The following POMK variants were observed in gnomAD, a reference collection of about 807,000 sequenced individuals.
POMK encodes protein O-mannose kinase.
POMK carries 19 observed loss-of-function variants against 23.0 expected under a neutral mutation model. That is an observed-to-expected ratio of 0.83 (90% confidence interval 0.58 to 1.21). The LOEUF (loss-of-function observed/expected upper bound fraction) is 1.21, where lower values mean the gene tolerates loss of function less well. Among genes scored for constraint, POMK ranks in the 50% most tolerant of loss-of-function variants. POMK has a pLI of 0.00. For synonymous variants in POMK, 173 were observed against 171.6 expected (o/e 1.01, Z -0.06); for missense variants, 410 against 431.3 (o/e 0.95, Z 0.44).
chr8:43,101,320 G>A (rs1811435935), intron 2 of POMK, among the ~76,000 whole-genome samples: 1 of 151,500 alleles, frequency 6.6e-6, no homozygotes, highest in Non-Finnish European at 1.5e-5. Context: ...CAGCTACTAA[G>A]GAGGCAGAGG....
chr8:43,112,746 T>A (rs2130613625), intron 4 of POMK, among the ~76,000 whole-genome samples: 1 of 152,062 alleles, frequency 6.6e-6, no homozygotes. Context: ...CAGAAGAGAG[T>A]GGGGGCCAAT....
intron 2 of POMK, among the ~76,000 whole-genome samples, chr8:43,098,399 C>G (rs1026524322): frequency 6.6e-6 from 1 of 152,188 alleles, no homozygotes; most frequent in Non-Finnish European, 1.5e-5. Flanking sequence ...AGGCTTATTT[C>G]ACTGAGCATG....
chr8:43,122,738 A>G lies in POMK; in HGVS notation c.914A>G (p.His305Arg), dbSNP rs765678572. 3.6e-5 allele frequency: 58 copies of G among 1,614,066 alleles called. No homozygotes were observed. The highest frequency in any genetic ancestry group is 4.6e-5 in the Non-Finnish European group (54 of 1,180,042). Reference sequence around the variant, plus strand: ...GAAGGGAGTGATATGGTCCGATTCCATTTGTTTGATATTCACAAAGCATGC... The same window carrying G: ...GAAGGGAGTGATATGGTCCGATTCCGTTTGTTTGATATTCACAAAGCATGC... The part of the protein sequence containing the change: ...HIEGSDMVRF[H>R]LFDIHKACKS... Residue 305 changes from histidine to arginine, a missense_variant, in exon 5 of 5, where the codon CAT becomes CGT. Coordinates refer to ENST00000331373, the MANE Select transcript of POMK (RefSeq NM_032237.5).
At chr8:43,117,214 T>C (rs1475798746) in intron 4 of POMK, among the ~76,000 whole-genome samples, 2 of 152,226 alleles carry the variant, frequency 1.3e-5, no homozygotes, top group Non-Finnish European at 2.9e-5. Flanking sequence ...TCACTTCTTT[T>C]GTGATTCTTC....
intron 4 of POMK, among the ~76,000 whole-genome samples, chr8:43,117,725 G>C (rs1426419863): frequency 2.0e-5 from 3 of 152,188 alleles, no homozygotes. Context: ...AATTAGAAGA[G>C]TAAGGTATTT....
At chr8:43,110,055 A>G (rs752851538) in intron 4 of POMK, among the ~76,000 whole-genome samples, 4 of 152,210 alleles carry the variant, frequency 2.6e-5, no homozygotes, top group Admixed American at 2.0e-4. Flanking sequence ...ACTTGTTCAA[A>G]CCTTTAGACT....
At chr8:43,108,568 T>A (rs1811589691) in intron 4 of POMK, among the ~76,000 whole-genome samples, 1 of 152,168 alleles carries the variant, frequency 6.6e-6, no homozygotes, top group Non-Finnish European at 1.5e-5. Context: ...AAGCAAAGAA[T>A]CAGCAGCATT....
rs1811643433 is a variant in POMK at position 43,110,940 on chromosome 8, G to T, written c.282+7110G>T. Among the ~76,000 whole-genome samples, 3 of 151,698 alleles carry T rather than the reference G, an allele frequency of 2.0e-5. No individual in the cohort carries two copies. The South Asian group carries it at 6.2e-4, about 32-fold the overall frequency. On this transcript the variant is annotated intron_variant, in intron 4 of 4. Transcript: ENST00000331373. ...CGTCTTAAAAAAAAAAAGTCTTGGG[G>T]GTGAAGCCAAGATGGCCGAATAGGA...
chr8:43,098,876 A>T (rs936723345), intron 2 of POMK, among the ~76,000 whole-genome samples: 22 of 152,274 alleles, frequency 1.4e-4, no homozygotes, highest in African/African-American at 5.3e-4. Context: ...TCTTTCATGT[A>T]TGTGCCTGTT....
chr8:43,097,257 ATTTGCATTTCTCCCAGG>A (rs1811352728), intron 1 of POMK, among the ~76,000 whole-genome samples: 1 of 152,178 alleles, frequency 6.6e-6, no homozygotes, highest in Admixed American at 6.5e-5. Flanking sequence ...GGACCCAAGA[ATTTGCATTTCTCCCAGG>A]TTCCTGGGCT....
chr8:43,114,535 A>C (rs1232771677), intron 4 of POMK, among the ~76,000 whole-genome samples: 1 of 152,202 alleles, frequency 6.6e-6, no homozygotes, highest in Admixed American at 6.5e-5. Flanking sequence ...TGACTAGGAA[A>C]GGGAATGCCC....
intron 4 of POMK, among the ~76,000 whole-genome samples, chr8:43,104,905 C>T (rs1811516518): frequency 6.6e-6 from 1 of 151,768 alleles, no homozygotes; most frequent in Admixed American, 6.6e-5. Context: ...GCATTCCAGA[C>T]TGGGTGACAG....
chr8:43,109,534 AT>A (rs377602349), intron 4 of POMK, among the ~76,000 whole-genome samples: 7,767 of 150,510 alleles, frequency 0.052, 407 homozygotes, highest in African/African-American at 0.13. Context: ...ATAAGGTAAG[AT>A]TTTTTTTTTA....
At chr8:43,118,013 A>G (rs149867198) in intron 4 of POMK, among the ~76,000 whole-genome samples, 1 of 152,258 alleles carries the variant, frequency 6.6e-6, no homozygotes, top group Non-Finnish European at 1.5e-5. Context: ...GAAATAGATC[A>G]TATAAGATCT....
At chr8:43,107,622 C>G (rs1035754027) in intron 4 of POMK, among the ~76,000 whole-genome samples, 2 of 151,954 alleles carry the variant, frequency 1.3e-5, no homozygotes, top group African/African-American at 2.4e-5. Flanking sequence ...ATCTGCCTGC[C>G]TTGGTCTCCC....
chr8:43,121,060 C>T (rs750892074), intron 4 of POMK, among the ~76,000 whole-genome samples: 12 of 152,220 alleles, frequency 7.9e-5, no homozygotes, highest in Non-Finnish European at 1.6e-4. Context: ...TGATAAGTTT[C>T]AGTGTATGCT....
rs372463276 is a variant in POMK, at chr8:43,096,924, G to A, written c.-209-600G>A. On this transcript the variant is annotated intron_variant, in intron 1 of 4. Coordinates refer to ENST00000331373, the MANE Select transcript of POMK (RefSeq NM_032237.5). ...GTTTGTATAAAGCTTGAAAACATAT[G>A]TATGATTTATGGGCACATACTTGTG... Among the ~76,000 whole-genome samples, 7 of 152,278 alleles carry A rather than the reference G, an allele frequency of 4.6e-5. No individual in the cohort carries two copies. The South Asian group carries it at 1.0e-3, about 23-fold the overall frequency.
intron 4 of POMK, among the ~76,000 whole-genome samples, chr8:43,121,633 A>G (rs988865297): frequency 6.6e-6 from 1 of 151,946 alleles, no homozygotes. Flanking sequence ...ACACTTACCC[A>G]CTTTTCCAGT....
Position 43,103,585 on chromosome 8 carries a change from GC to G in POMK, c.43del (p.Arg15GlufsTer11), listed in dbSNP as rs749980792. The G allele has an allele frequency of 5.6e-6, 9 of 1,614,050 alleles. No individual in the cohort carries two copies. Among genetic ancestry groups the G allele is most frequent in the Admixed American group, 3.3e-5 (2 of 60,026 alleles). ...KQPQNSRRGLAPREVPPAVGL... is the reference protein window; with the variant it reads ...KQPQNSRRGLXPREVPPAVGL... The stretch of plus-strand genomic sequence containing the variant: ...GCCCCAGAACAGCAGGAGAGGCCTC[GC>G]CCCCCGAGAGGTGCCGCCAGCTGTT... On this transcript the variant is annotated frameshift_variant, in exon 4 of 5. Coordinates refer to ENST00000331373, the MANE Select transcript of POMK (RefSeq NM_032237.5). LOFTEE classifies it high-confidence loss of function.
Sources: allele counts gnomAD v4.1 joint callset (sites outside exome capture counted in the v4.1 genomes callset), GRCh38; gene constraint gnomAD v4.1.1; transcripts MANE v1.5; gene names NCBI Gene and HGNC (gene_info 2026-07-23, HGNC 2026-07-21).